NPEPPS: variants seen among roughly 807,000 people sequenced by gnomAD.
NPEPPS encodes the protein aminopeptidase puromycin sensitive, also known as puromycin-sensitive aminopeptidase.
In NPEPPS, 14 loss-of-function variants were observed where a neutral mutation model predicts 115.5. That is an observed-to-expected ratio of 0.12 (90% confidence interval 0.08 to 0.19). The LOEUF (loss-of-function observed/expected upper bound fraction) is 0.19, where lower values mean the gene tolerates loss of function less well. NPEPPS is among the 10% of genes least tolerant of loss of function. The pLI, the probability that NPEPPS is intolerant of heterozygous loss-of-function variation, is 1.00. For missense variants in NPEPPS, 523 were observed against 1,110.8 expected (o/e 0.47, Z 7.52); for synonymous variants, 285 against 390.6 (o/e 0.73, Z 3.19).
intron 2 of NPEPPS, among the ~76,000 whole-genome samples, chr17:47,565,487 CAG>C (rs1389453652): frequency 8.6e-6 from 1 of 116,156 alleles, no homozygotes; most frequent in Non-Finnish European, 1.6e-5. Flanking sequence ...GCCTGGGCGA[CAG>C]AGCAAGACTC....
chr17:47,560,251 T>G (rs1167479150), intron 2 of NPEPPS, among the ~76,000 whole-genome samples: 1 of 152,010 alleles, frequency 6.6e-6, no homozygotes, highest in Non-Finnish European at 1.5e-5. Context: ...CTAGACAAAT[T>G]AAGTAACCCT....
intron 4 of NPEPPS, chr17:47,579,930 C>CGT (rs10591746): frequency 0.071 from 10,352 of 146,476 alleles, 416 homozygotes; most frequent in African/African-American, 0.12. Flanking sequence ...TTTTTTTCTC[C>CGT]GTGTGTGTGT....
intron 9 of NPEPPS, among the ~76,000 whole-genome samples, chr17:47,590,226 T>G (rs1434422548): frequency 1.3e-5 from 2 of 151,980 alleles, no homozygotes; most frequent in Non-Finnish European, 2.9e-5. Context: ...TTACAATGTT[T>G]TGAAAATATC....
At chr17:47,548,814 A>C (rs1909424290) in intron 2 of NPEPPS, among the ~76,000 whole-genome samples, 1 of 151,272 alleles carries the variant, frequency 6.6e-6, no homozygotes, top group African/African-American at 2.4e-5. Context: ...TGGCCTTGTG[A>C]TCCACCCGCC....
At position 47,601,757 on chromosome 17, in the gene NPEPPS, G is replaced by A. The variant is rs1265056816; in HGVS notation, c.1740+10G>A. 3.7e-6 allele frequency: 6 copies of A among 1,611,796 alleles called. No homozygotes were observed. In the African/African-American group the frequency reaches 8.0e-5, roughly 22 times the overall value. On this transcript the variant is annotated intron_variant, in intron 15 of 22. Transcript: ENST00000322157. ...AGACCAATGGGTGAAGGTGAGTTCA[G>A]AATCTTACCTAAACAGATTTCTCTC...
At position 47,610,976 on chromosome 17, in the gene NPEPPS, TCTGAGTAGCTGG is replaced by T. The variant is rs1913831597; in HGVS notation, c.2096-1483_2096-1472del. 4.7e-5 allele frequency among the ~76,000 whole-genome samples: 7 copies of T among 149,942 alleles called. No homozygotes were observed. The South Asian group carries it at 1.5e-3, about 32-fold the overall frequency. On this transcript the variant is annotated intron_variant, in intron 17 of 22. Coordinates refer to ENST00000322157, the MANE Select transcript of NPEPPS (RefSeq NM_006310.4). ...TCAAGTGATTCCCCTGCCTCAGCCT[TCTGAGTAGCTGG>T]GATTACAGGTCTGTGCCACTACACC... is the stretch of plus-strand genomic sequence containing the variant.
At chr17:47,566,257 GC>G (rs1910806322) in intron 2 of NPEPPS, among the ~76,000 whole-genome samples, 1 of 152,016 alleles carries the variant, frequency 6.6e-6, no homozygotes, top group South Asian at 2.1e-4. Flanking sequence ...GGAATTCCAG[GC>G]AAGAGCCACC....
At chr17:47,532,682 GGAAA>G (rs1340498402) in intron 1 of NPEPPS, among the ~76,000 whole-genome samples, 3 of 136,410 alleles carry the variant, frequency 2.2e-5, no homozygotes, top group East Asian at 4.3e-4. Context: ...AAAAAAAAAA[GGAAA>G]GAAAGAAGCT....
rs1912059568 is a variant in NPEPPS at position 47,584,277 on chromosome 17, A to G, written c.649-1223A>G. ...GCAAGACCCTGTCTCTTATGTTTTTAAAAAGTTAAAAAAATTCAAAAGATG... is the reference window on the plus strand; with the variant it reads ...GCAAGACCCTGTCTCTTATGTTTTTGAAAAGTTAAAAAAATTCAAAAGATG... On this transcript the variant is annotated intron_variant, in intron 5 of 22. Coordinates refer to ENST00000322157, the MANE Select transcript of NPEPPS (RefSeq NM_006310.4). 2.0e-5 allele frequency among the ~76,000 whole-genome samples: 3 copies of G among 151,488 alleles called. No individual in the cohort carries two copies. The South Asian group carries it at 6.2e-4, about 32-fold the overall frequency.
At chr17:47,619,502 C>G (rs923241050) in intron 21 of NPEPPS, 5 of 528,536 alleles carry the variant, frequency 9.5e-6, no homozygotes, top group Non-Finnish European at 1.7e-5. Flanking sequence ...TGTGGTGAGC[C>G]GAGATGAGGT....
chr17:47,583,959 G>A (rs113389337), intron 5 of NPEPPS, among the ~76,000 whole-genome samples: 2 of 149,968 alleles, frequency 1.3e-5, no homozygotes, highest in African/African-American at 2.5e-5. Flanking sequence ...GGTGGCTCAT[G>A]CCTGTAATCC....
intron 2 of NPEPPS, among the ~76,000 whole-genome samples, chr17:47,549,019 CT>C (rs1466557519): frequency 6.6e-6 from 1 of 152,026 alleles, no homozygotes; most frequent in Non-Finnish European, 1.5e-5. Context: ...AAGAGAGATT[CT>C]GATAAAACGT....
At chr17:47,588,744 G>C (rs953628937) in intron 9 of NPEPPS, among the ~76,000 whole-genome samples, 1 of 152,074 alleles carries the variant, frequency 6.6e-6, no homozygotes, top group African/African-American at 2.4e-5. Context: ...ATAAATTTTA[G>C]TAGGGGAAAT....
intron 4 of NPEPPS, chr17:47,582,252 T>C (rs1911925606): frequency 2.2e-5 from 4 of 181,030 alleles, no homozygotes; most frequent in South Asian, 1.1e-4. Flanking sequence ...CTTGAATTGA[T>C]AGAGCATCTG....
intron 1 of NPEPPS, among the ~76,000 whole-genome samples, chr17:47,537,162 G>GAA (rs61425945): frequency 7.0e-6 from 1 of 143,516 alleles, no homozygotes; most frequent in Admixed American, 7.0e-5. Context: ...CTGTCTCCAG[G>GAA]AAAAAAAAAA....
chr17:47,532,226 C>T (rs1446105378), intron 1 of NPEPPS, among the ~76,000 whole-genome samples: 1 of 152,142 alleles, frequency 6.6e-6, no homozygotes, highest in African/African-American at 2.4e-5. Context: ...GCAGCAGTGA[C>T]TTTGTTCTCT....
chr17:47,582,320 A>C (rs1255195796), intron 4 of NPEPPS: 3 of 225,418 alleles, frequency 1.3e-5, no homozygotes, highest in South Asian at 5.6e-5. Flanking sequence ...AAGATTGAGA[A>C]TATTTTTATT....
At chr17:47,545,687 T>C (rs1909152223) in intron 1 of NPEPPS, among the ~76,000 whole-genome samples, 1 of 151,994 alleles carries the variant, frequency 6.6e-6, no homozygotes, top group African/African-American at 2.4e-5. Context: ...TAGCTGGGAC[T>C]ATAGGCACAC....
chr17:47,580,968 C>T (rs1318218030), intron 4 of NPEPPS: 3 of 152,032 alleles, frequency 2.0e-5, no homozygotes, highest in Non-Finnish European at 4.4e-5. Flanking sequence ...TTCTTACATT[C>T]TTATGGAGAC....
Sources: gnomAD v4.1 joint callset for allele counts (sites outside exome capture counted in the v4.1 genomes callset) on GRCh38, gnomAD v4.1.1 for gene constraint, MANE v1.5 for transcripts, NCBI Gene and HGNC (gene_info 2026-07-23, HGNC 2026-07-21) for gene names.